The following L3MBTL4 variants were observed in gnomAD, a reference collection of about 807,000 sequenced individuals.
The protein encoded by L3MBTL4 is L3MBTL histone methyl-lysine binding protein 4.
In L3MBTL4, 70 loss-of-function variants were observed where a neutral mutation model predicts 84.5. That is an observed-to-expected ratio of 0.83 (90% confidence interval 0.68 to 1.01). The LOEUF is 1.01. Among genes scored for constraint, L3MBTL4 ranks in the 50% least tolerant of loss-of-function variants. The pLI is 0.00. For synonymous variants in L3MBTL4, 274 were observed against 259.8 expected, an observed-to-expected ratio of 1.05 and a Z score of -0.52; for missense variants, 715 against 754.8, an observed-to-expected ratio of 0.95 and a Z score of 0.62.
chr18:6,184,860 A>C (rs1285149554), intron 12 of L3MBTL4, among the ~76,000 whole-genome samples: 7 of 152,232 alleles, frequency 4.6e-5, no homozygotes, highest in Admixed American at 4.6e-4. Flanking sequence ...TCAAGGATAA[A>C]CAACACAGAA....
intron 16 of L3MBTL4, among the ~76,000 whole-genome samples, chr18:5,992,537 C>T (rs1433299927): frequency 2.0e-5 from 3 of 152,126 alleles, no homozygotes; most frequent in African/African-American, 7.2e-5. Context: ...TGCCCCCACC[C>T]AAATCTCATG....
intron 3 of L3MBTL4, 69 bp downstream of exon 3, chr18:6,311,480 AACTCT>A: frequency 1.6e-6 from 2 of 1,266,440 alleles, no homozygotes; most frequent in Non-Finnish European, 2.3e-6. Context: ...TGGTTATGTG[AACTCT>A]ACTATTCCAT....
chr18:6,238,928 A>C (rs1392696177), intron 9 of L3MBTL4, among the ~76,000 whole-genome samples: 1 of 152,106 alleles, frequency 6.6e-6, no homozygotes, highest in Non-Finnish European at 1.5e-5. Context: ...TCAAAAAAAA[A>C]AACCCTTTCA....
intron 1 of L3MBTL4, chr18:6,356,672 G>A (rs970282539): frequency 4.6e-5 from 7 of 152,114 alleles, no homozygotes; most frequent in African/African-American, 1.2e-4. Flanking sequence ...ATAAAAAATG[G>A]AGGTCACTTA....
intron 6 of L3MBTL4, among the ~76,000 whole-genome samples, chr18:6,243,957 A>T (rs2047553509): frequency 1.3e-5 from 2 of 152,222 alleles, no homozygotes; most frequent in Admixed American, 1.3e-4. Context: ...CAATCAGTAA[A>T]GTAAATAAAT....
intron 16 of L3MBTL4, among the ~76,000 whole-genome samples, chr18:5,998,528 A>C (rs2054079941): frequency 2.6e-5 from 4 of 152,092 alleles, no homozygotes; most frequent in African/African-American, 4.8e-5. Flanking sequence ...CACTTAACCA[A>C]AGGGTGGTTA....
chr18:6,129,494 A>C (rs1382523113), intron 14 of L3MBTL4, among the ~76,000 whole-genome samples: 1 of 151,628 alleles, frequency 6.6e-6, no homozygotes, highest in Non-Finnish European at 1.5e-5. Context: ...TTTTGAGTTG[A>C]AAGTTGAATT....
At chr18:6,003,107 AGAGATAC>A (rs2054300256) in intron 16 of L3MBTL4, among the ~76,000 whole-genome samples, 1 of 104,000 alleles carries the variant, frequency 9.6e-6, no homozygotes, top group Non-Finnish European at 1.9e-5. Context: ...CTCTATTTAT[AGAGATAC>A]TATATAAAAT....
intron 1 of L3MBTL4, chr18:6,394,774 A>G (rs143039286): frequency 2.4e-4 from 37 of 152,292 alleles, no homozygotes; most frequent in African/African-American, 8.7e-4. Context: ...CCTAAAAAAG[A>G]GAGATCCCAC....
intron 4 of L3MBTL4, among the ~76,000 whole-genome samples, chr18:6,275,396 A>T (rs1307615627): frequency 6.6e-6 from 1 of 152,234 alleles, no homozygotes; most frequent in Non-Finnish European, 1.5e-5. Context: ...CTAGAAAGAC[A>T]TCAGTGGCCT....
chr18:6,195,508 T>C (rs982657836), intron 12 of L3MBTL4, among the ~76,000 whole-genome samples: 13 of 152,174 alleles, frequency 8.5e-5, no homozygotes, highest in African/African-American at 2.9e-4. Context: ...ATGAATTCCA[T>C]GTGGGGCAGA....
At chr18:6,164,259 G>A (rs1273441597) in intron 13 of L3MBTL4, among the ~76,000 whole-genome samples, 1 of 152,226 alleles carries the variant, frequency 6.6e-6, no homozygotes, top group Non-Finnish European at 1.5e-5. Flanking sequence ...TGGGGGCAGG[G>A]CACAGACAAA....
chr18:6,160,787 C>A (rs2043305930), intron 13 of L3MBTL4, among the ~76,000 whole-genome samples: 1 of 151,046 alleles, frequency 6.6e-6, no homozygotes, highest in African/African-American at 2.4e-5. Flanking sequence ...AAATGGACAT[C>A]CAAGTCTTCC....
chr18:6,303,953 G>A (rs189448304), intron 3 of L3MBTL4, among the ~76,000 whole-genome samples: 1 of 149,526 alleles, frequency 6.7e-6, no homozygotes. Flanking sequence ...GGCGGAGGTT[G>A]CAGCGAGCTG....
chr18:6,112,078 C>T (rs1006748513), intron 14 of L3MBTL4, among the ~76,000 whole-genome samples: 1 of 152,062 alleles, frequency 6.6e-6, no homozygotes, highest in African/African-American at 2.4e-5. Flanking sequence ...TTTATCTTTG[C>T]TAAATAAATT....
At chr18:6,402,868 G>A (rs965689023) in intron 1 of L3MBTL4, among the ~76,000 whole-genome samples, 4 of 152,136 alleles carry the variant, frequency 2.6e-5, no homozygotes, top group South Asian at 2.1e-4. Flanking sequence ...AACTCTGAGC[G>A]AAAGTAATTT....
chr18:6,143,806 T>C (rs889979095), intron 13 of L3MBTL4, among the ~76,000 whole-genome samples: 7 of 152,108 alleles, frequency 4.6e-5, no homozygotes, highest in East Asian at 1.9e-4. Context: ...ATCTAACTTG[T>C]CTACCACTGT....
intron 1 of L3MBTL4, chr18:6,399,880 C>T (rs2055439983): frequency 6.6e-6 from 1 of 152,036 alleles, no homozygotes; most frequent in African/African-American, 2.4e-5. Context: ...TAGTCAATTA[C>T]AATTTTCTTA....
intron 16 of L3MBTL4, among the ~76,000 whole-genome samples, chr18:6,057,177 T>C (rs1397025114): frequency 6.6e-6 from 1 of 152,056 alleles, no homozygotes; most frequent in African/African-American, 2.4e-5. Flanking sequence ...ATTACAGGCA[T>C]GCCACCACGC....
Sources: gnomAD v4.1 joint callset for allele counts (sites outside exome capture counted in the v4.1 genomes callset) on GRCh38, gnomAD v4.1.1 for gene constraint, MANE v1.5 for transcripts, NCBI Gene and HGNC (gene_info 2026-07-23, HGNC 2026-07-21) for gene names.